Variants in ANO10 observed in about 807,000 individuals in gnomAD.
The protein encoded by ANO10 is anoctamin 10, also known as anoctamin-10.
Under a neutral mutation model 74.7 loss-of-function variants are expected in ANO10, and 77 were observed. The observed-to-expected ratio is 1.03, with a 90% CI of 0.86 to 1.25. The LOEUF (loss-of-function observed/expected upper bound fraction) is 1.25, where lower values mean the gene tolerates loss of function less well. Ranked by LOEUF, ANO10 falls within the 50% of genes most tolerant of loss-of-function variation. ANO10 has a pLI of 0.00. For missense variants in ANO10, 721 were observed against 778.1 expected, an observed-to-expected ratio of 0.93 and a Z score of 0.87; for synonymous variants, 279 against 284.9, an observed-to-expected ratio of 0.98 and a Z score of 0.21.
intron 12 of ANO10, among the ~76,000 whole-genome samples, chr3:43,420,889 C>CT (rs566552878): frequency 1.2e-3 from 182 of 152,308 alleles, no homozygotes; most frequent in Non-Finnish European, 2.1e-3. Flanking sequence ...AGACCAGTAT[C>CT]TTTAAATTCG....
intron 11 of ANO10, among the ~76,000 whole-genome samples, chr3:43,486,301 G>A (rs150394434): frequency 6.6e-6 from 1 of 152,070 alleles, no homozygotes; most frequent in Non-Finnish European, 1.5e-5. Context: ...TCTGTTTTTG[G>A]TTCCATATGA....
At chr3:43,669,722 T>TTATG (rs2084034445) in intron 1 of ANO10, among the ~76,000 whole-genome samples, 1 of 151,648 alleles carries the variant, frequency 6.6e-6, no homozygotes, top group Non-Finnish European at 1.5e-5. Context: ...TAGTTTTTAT[T>TTATG]TATTTATTTA....
intron 4 of ANO10, among the ~76,000 whole-genome samples, chr3:43,596,562 A>C (rs1384421282): frequency 2.6e-5 from 4 of 152,088 alleles, no homozygotes; most frequent in Non-Finnish European, 5.9e-5. Context: ...CCAGCCATAT[A>C]TAGAAAGCTG....
Position 43,577,069 on chromosome 3 carries a change from T to A in ANO10, c.785A>T (p.Lys262Met). The change falls in exon 6 of 13, where the codon AAG (lysine) becomes ATG (methionine). Residue 262 changes from lysine (K) to methionine (M), a missense_variant. Coordinates refer to ENST00000292246, the MANE Select transcript of ANO10 (RefSeq NM_018075.5). ...IWSTVILELW[K>M]RGCANMTYRW... ...GTAGGTCATGTTGGCACAGCCACGC[T>A]TCCACAGTTCCAGAATCACCGTGGA... 1.9e-6 allele frequency: 3 copies of A among 1,614,160 alleles called. No individual in the cohort carries two copies. The highest frequency in any genetic ancestry group is 2.5e-6 in the Non-Finnish European group (3 of 1,180,016).
At chr3:43,620,127 A>T (rs188534274) in intron 1 of ANO10, among the ~76,000 whole-genome samples, 1 of 152,302 alleles carries the variant, frequency 6.6e-6, no homozygotes, top group Non-Finnish European at 1.5e-5. Context: ...TTTGAGGAAC[A>T]CTGATTTTTC....
intron 11 of ANO10, among the ~76,000 whole-genome samples, chr3:43,432,944 CTTTTTTTTTTTTTTT>C (rs5848663): frequency 5.1e-4 from 28 of 55,288 alleles, no homozygotes; most frequent in African/African-American, 1.0e-3. Context: ...TTGCTTAATT[CTTTTTTTTTTTTTTT>C]TTTTTTTTTT....
At chr3:43,674,858 C>T (rs888128091) in intron 1 of ANO10, among the ~76,000 whole-genome samples, 2 of 152,154 alleles carry the variant, frequency 1.3e-5, no homozygotes, top group East Asian at 3.8e-4. Flanking sequence ...AGATGTGAGC[C>T]TCTCCTAGAA....
chr3:43,386,390 G>GGAAGGA (rs1436605091), intron 12 of ANO10, among the ~76,000 whole-genome samples: 2 of 151,924 alleles, frequency 1.3e-5, no homozygotes, highest in South Asian at 4.2e-4. Flanking sequence ...GGAGGAAAGG[G>GGAAGGA]GAAGGGAAAG....
intron 11 of ANO10, among the ~76,000 whole-genome samples, chr3:43,494,201 C>G (rs1361422574): frequency 6.6e-6 from 1 of 152,218 alleles, no homozygotes; most frequent in Non-Finnish European, 1.5e-5. Flanking sequence ...CGCCTGTAAT[C>G]TCAGCACTTT....
At chr3:43,594,882 G>A (rs951962283) in intron 4 of ANO10, among the ~76,000 whole-genome samples, 24 of 151,862 alleles carry the variant, frequency 1.6e-4, no homozygotes, top group Admixed American at 4.6e-4. Flanking sequence ...TAATAAAGAA[G>A]AAAAGAGAGA....
chr3:43,368,372 C>T (rs949375371), intron 12 of ANO10, among the ~76,000 whole-genome samples: 20 of 152,086 alleles, frequency 1.3e-4, no homozygotes, highest in African/African-American at 4.6e-4. Flanking sequence ...TAACACTGGC[C>T]CAGGGACATG....
chr3:43,448,428 T>C (rs1399615094), intron 11 of ANO10, among the ~76,000 whole-genome samples: 1 of 152,262 alleles, frequency 6.6e-6, no homozygotes, highest in Non-Finnish European at 1.5e-5. Flanking sequence ...AAGTGTTATA[T>C]ATTTGGAATC....
At chr3:43,664,526 C>A (rs193048071) in intron 1 of ANO10, among the ~76,000 whole-genome samples, 3,187 of 152,270 alleles carry the variant, frequency 0.021, 54 homozygotes, top group South Asian at 0.092. Flanking sequence ...CCAAAATTGA[C>A]AAATGGGATC....
intron 1 of ANO10, among the ~76,000 whole-genome samples, chr3:43,657,669 G>C (rs1246088913): frequency 1.3e-5 from 2 of 152,226 alleles, no homozygotes; most frequent in Non-Finnish European, 2.9e-5. Flanking sequence ...TTCTTGCTAT[G>C]AGATGTCTTT....
intron 1 of ANO10, among the ~76,000 whole-genome samples, chr3:43,677,939 A>G (rs1214865844): frequency 6.6e-6 from 1 of 152,244 alleles, no homozygotes; most frequent in African/African-American, 2.4e-5. Flanking sequence ...ACTCAAGGGA[A>G]GGAAAAACAA....
At chr3:43,375,761 T>TC (rs1258579402) in intron 12 of ANO10, among the ~76,000 whole-genome samples, 1 of 151,204 alleles carries the variant, frequency 6.6e-6, no homozygotes, top group African/African-American at 2.4e-5. Context: ...GACAGTTTAT[T>TC]CCCCCCTTGT....
At chr3:43,394,937 C>G (rs2092349654) in intron 12 of ANO10, among the ~76,000 whole-genome samples, 1 of 152,084 alleles carries the variant, frequency 6.6e-6, no homozygotes, top group Non-Finnish European at 1.5e-5. Context: ...CAAGAGAGGT[C>G]CACTCTTATG....
chr3:43,530,119 T>TTATC (rs1240125208), intron 11 of ANO10, among the ~76,000 whole-genome samples: 24 of 152,118 alleles, frequency 1.6e-4, no homozygotes, highest in Non-Finnish European at 3.1e-4. Context: ...TGCAATCCTA[T>TTATC]TATCAAAGTG....
At position 43,471,025 on chromosome 3, in the gene ANO10, A is replaced by G. The variant is rs538079338; in HGVS notation, c.1798-38298T>C. On this transcript the variant is annotated intron_variant, in intron 11 of 12. Coordinates refer to ENST00000292246, the MANE Select transcript of ANO10 (RefSeq NM_018075.5). The stretch of plus-strand genomic sequence containing the variant: ...AATTTATAAATTACATTGTAAATCA[A>G]GACTGTTTAATGTTACATCATTAAA... Among the ~76,000 whole-genome samples, 11 of 152,348 alleles carry G rather than the reference A, an allele frequency of 7.2e-5. No homozygotes were observed. In the East Asian group the frequency reaches 1.7e-3, roughly 24 times the overall value.
Sources: gnomAD v4.1 joint callset for allele counts (sites outside exome capture counted in the v4.1 genomes callset) on GRCh38, gnomAD v4.1.1 for gene constraint, MANE v1.5 for transcripts, NCBI Gene and HGNC (gene_info 2026-07-23, HGNC 2026-07-21) for gene names.